Variants in KCTD15 observed in about 807,000 individuals in gnomAD.
KCTD15 encodes the protein potassium channel tetramerization domain containing 15.
KCTD15 carries 11 observed loss-of-function variants against 27.2 expected under a neutral mutation model. The ratio of observed to expected loss-of-function variants is 0.41; its 90% CI spans 0.25 to 0.67. The LOEUF (loss-of-function observed/expected upper bound fraction) is 0.67. KCTD15 is among the 30% of genes least tolerant of loss of function. The pLI is 0.35. For synonymous variants in KCTD15, 163 were observed against 176.0 expected (o/e 0.93, Z 0.58); for missense variants, 350 against 409.3 (o/e 0.86, Z 1.25).
At chr19:33,805,064 A>C (rs1290009921) in intron 4 of KCTD15, among the ~76,000 whole-genome samples, 2 of 152,108 alleles carry the variant, frequency 1.3e-5, no homozygotes, top group African/African-American at 4.8e-5. Flanking sequence ...AGTGGACTAC[A>C]AGTGCATGCC....
chr19:33,812,254 A>G (rs972302394), intron 6 of KCTD15: 7 of 1,032,610 alleles, frequency 6.8e-6, no homozygotes, highest in Non-Finnish European at 8.1e-6. Flanking sequence ...GGACGCCTGC[A>G]GAGACTCAAA....
chr19:33,801,114 ACT>A (rs1975524643), intron 3 of KCTD15, 51 bp from the exon 4 acceptor site: 2 of 1,510,308 alleles, frequency 1.3e-6, no homozygotes, highest in Non-Finnish European at 1.8e-6. Context: ...TTGTGGAGAA[ACT>A]CTTGTGTTCC....
Position 33,811,516 on chromosome 19 carries a change from C to T in KCTD15, c.657C>T (p.Phe219=), listed in dbSNP as rs894839624. Residue 219 remains phenylalanine, a synonymous_variant, in exon 6 of 7, where the codon TTC becomes TTT. Transcript: ENST00000683859. ...WNQDPTHVIR[F]PLNGYCRLNS... ...AGGACCCCACGCACGTCATCCGCTT[C>T]CCGCTCAATGGCTACTGCCGGCTCA... 1.9e-6 allele frequency: 3 copies of T among 1,609,912 alleles called. No individual in the cohort carries two copies. The highest frequency in any genetic ancestry group is 2.5e-6 in the Non-Finnish European group (3 of 1,177,352).
chr19:33,815,442 A>G lies in KCTD15; in HGVS notation c.*2494A>G, dbSNP rs1330785381. On this transcript the variant is annotated 3_prime_UTR_variant, in exon 7 of 7. Coordinates refer to ENST00000683859, the MANE Select transcript of KCTD15 (RefSeq NM_001129994.2). The stretch of plus-strand genomic sequence containing the variant: ...TTACACTTCCTGGAATGAGTATATT[A>G]TCAGCAATCTTTTGTCAAATGCCAG... 1 of 152,248 alleles carries G rather than the reference A, an allele frequency of 6.6e-6. No individual in the cohort carries two copies. The highest frequency in any genetic ancestry group is 2.4e-5 in the African/African-American group (1 of 41,464). The allele number at this position is 152,248 out of a possible 1,614,324, so 9.4% of individuals were successfully genotyped here.
chr19:33,812,855 C>T lies in KCTD15; in HGVS notation c.759C>T (p.Ser253=), dbSNP rs1314125707. ...VAASCGGGVD[S]SQFSEYVLCR... ...CGTCCTGTGGGGGCGGTGTGGACTC[C>T]TCCCAGTTCAGCGAGTATGTGCTTT... The change falls in exon 7 of 7, where the codon TCC becomes TCT. Residue 253 remains serine, a synonymous_variant. Coordinates refer to ENST00000683859, the MANE Select transcript of KCTD15 (RefSeq NM_001129994.2). The T allele has an allele frequency of 3.2e-6, 5 of 1,544,448 alleles. No homozygotes were observed. The highest frequency in any genetic ancestry group is 4.0e-5 in the Admixed American group (2 of 50,118).
chr19:33,806,685 G>T (rs1975721827), intron 4 of KCTD15, among the ~76,000 whole-genome samples, 178 bp from the exon 5 acceptor site: 1 of 152,136 alleles, frequency 6.6e-6, no homozygotes, highest in East Asian at 1.9e-4. Flanking sequence ...GTTAACTGTA[G>T]CCTGGCTGCC....
chr19:33,801,654 G>A (rs925543015), intron 4 of KCTD15: 21 of 270,570 alleles, frequency 7.8e-5, no homozygotes, highest in African/African-American at 4.6e-4. Flanking sequence ...GCGGGCAGGG[G>A]AGTCTCACGT....
chr19:33,796,868 C>G (rs1209617314), upstream of KCTD15: 1 of 151,354 alleles, frequency 6.6e-6, no homozygotes, highest in Non-Finnish European at 1.5e-5. Flanking sequence ...GAAAGTAACT[C>G]CAGGACGAGA....
At chr19:33,812,630 A>G (rs1975962010) in intron 6 of KCTD15, 160 bp from the exon 7 acceptor site, 3 of 1,302,020 alleles carry the variant, frequency 2.3e-6, no homozygotes, top group Non-Finnish European at 2.9e-6. Context: ...GGAACCCAGC[A>G]CGTGGTTCTG....
In KCTD15 at chr19:33,812,897, G is replaced by A. The variant is rs141966235; in HGVS notation, c.801G>A (p.Arg267=). 0.026 allele frequency: 40,229 copies of A among 1,549,878 alleles called. 667 individuals carry two copies. The highest frequency in any genetic ancestry group is 0.032 in the Non-Finnish European group (36,585 of 1,146,516). ...ATGTGCTTTGCCGGGAGGAGCGGCG[G>A]CCGCAGCCCACCCCCACTGCTGTTC... ...SEYVLCREER[R]PQPTPTAVRI... Residue 267 remains arginine (R), a synonymous_variant, in exon 7 of 7, where the codon CGG becomes CGA. Transcript: ENST00000683859.
upstream of KCTD15, among the ~76,000 whole-genome samples, chr19:33,795,074 T>A (rs1975275334): frequency 6.6e-6 from 1 of 152,208 alleles, no homozygotes; most frequent in Admixed American, 6.5e-5. Context: ...CAGCTCAAAA[T>A]CCATAAATTA....
At chr19:33,799,437 A>AG (rs1472166515) in intron 2 of KCTD15, among the ~76,000 whole-genome samples, 2 of 152,168 alleles carry the variant, frequency 1.3e-5, no homozygotes, top group Non-Finnish European at 2.9e-5. Context: ...GGATGTGTGA[A>AG]GGGGGGTGAC....
At chr19:33,797,295 CGCGCGCGCTTGT>C in intron 1 of KCTD15, 1 of 370,600 alleles carries the variant, frequency 2.7e-6, no homozygotes, top group Non-Finnish European at 5.3e-6. Context: ...CGCGCGCGCG[CGCGCGCGCTTGT>C]GGAGGTCCCC....
chr19:33,806,844 C>G lies in KCTD15; in HGVS notation c.243-19C>G, dbSNP rs758475937. ...TGTCCCCATCCCTTCAGACATCCCACCTCGCCTGTCTCTCCCAGGATAAGC... is the reference window on the plus strand; with the variant it reads ...TGTCCCCATCCCTTCAGACATCCCAGCTCGCCTGTCTCTCCCAGGATAAGC... On this transcript the variant is annotated intron_variant, in intron 4 of 6. Transcript: ENST00000683859. The G allele has an allele frequency of 3.1e-6, 5 of 1,611,908 alleles. No individual in the cohort carries two copies. The highest frequency in any genetic ancestry group is 4.2e-6 in the Non-Finnish European group (5 of 1,178,552).
At chr19:33,802,281 C>T (rs958962632) in intron 4 of KCTD15, among the ~76,000 whole-genome samples, 3 of 152,198 alleles carry the variant, frequency 2.0e-5, no homozygotes, top group African/African-American at 7.2e-5. Flanking sequence ...CTGTGGGCAT[C>T]ACCCCTGTGT....
chr19:33,807,817 G>A (rs1975761999), intron 5 of KCTD15, among the ~76,000 whole-genome samples: 1 of 152,158 alleles, frequency 6.6e-6, no homozygotes, highest in Non-Finnish European at 1.5e-5. Flanking sequence ...ACAGGTGCCT[G>A]TAATACCAGC....
At chr19:33,807,921 G>T (rs1036489690) in intron 5 of KCTD15, among the ~76,000 whole-genome samples, 1 of 151,258 alleles carries the variant, frequency 6.6e-6, no homozygotes. Flanking sequence ...ACTCCAGCCT[G>T]GATGACGGAG....
At chr19:33,801,556 C>T (rs569507263) in intron 4 of KCTD15, 5 of 446,688 alleles carry the variant, frequency 1.1e-5, no homozygotes, top group Admixed American at 4.2e-5. Flanking sequence ...CCTGACTTGG[C>T]GGCATTGGTA....
Position 33,813,081 on chromosome 19 carries a change from A to T in KCTD15, c.*133A>T. On this transcript the variant is annotated 3_prime_UTR_variant, in exon 7 of 7. Transcript: ENST00000683859. ...AGGGTCCAAAGCTGGCCCAGCGAGCACCAGGGTCCCAGGTGTCATGGCAAC... is the reference window on the plus strand; with the variant it reads ...AGGGTCCAAAGCTGGCCCAGCGAGCTCCAGGGTCCCAGGTGTCATGGCAAC... 1.1e-6 allele frequency: 1 copy of T among 911,226 alleles called. No individual in the cohort carries two copies. The highest frequency in any genetic ancestry group is 1.7e-6 in the Non-Finnish European group (1 of 595,052). 56.4% of individuals were successfully genotyped at this position (911,226 alleles called of 1,614,324 possible).
Sources: allele counts gnomAD v4.1 joint callset (sites outside exome capture counted in the v4.1 genomes callset), GRCh38; gene constraint gnomAD v4.1.1; transcripts MANE v1.5; gene names NCBI Gene and HGNC (gene_info 2026-07-23, HGNC 2026-07-21).